ARL15: variants seen among roughly 807,000 people sequenced by gnomAD.
ARL15 encodes the protein ARF like GTPase 15, also known as ADP-ribosylation factor-like protein 15.
A neutral mutation model predicts 25.2 loss-of-function variants in ARL15; 19 were observed. The ratio of observed to expected loss-of-function variants is 0.75; its 90% CI spans 0.53 to 1.10. The LOEUF is 1.10. ARL15 is among the 50% of genes least tolerant of loss of function. The pLI is 0.00. For missense variants in ARL15, 220 were observed against 246.0 expected (o/e 0.89, Z 0.71); for synonymous variants, 94 against 86.8 (o/e 1.08, Z -0.46).
At chr5:53,968,454 C>T (rs1277838895) in intron 4 of ARL15, among the ~76,000 whole-genome samples, 5 of 152,152 alleles carry the variant, frequency 3.3e-5, no homozygotes, top group Admixed American at 3.3e-4. Context: ...TTCATGAAGA[C>T]ATCTTAAAAC....
At position 54,081,660 on chromosome 5, in the gene ARL15, TGAA is replaced by T. The variant is rs569191484; in HGVS notation, c.462+31539_462+31541del. Among the ~76,000 whole-genome samples the T allele has an allele frequency of 3.0e-3, 450 of 152,330 alleles. 3 individuals carry two copies. Among genetic ancestry groups the T allele is most frequent in the Non-Finnish European group, 4.8e-3 (326 of 68,030 alleles). ...AGCACTTCCCCTTCCTGCTGCCTTG[TGAA>T]GAAGGTGCCTTGCTTCCTCTTCGCC... On this transcript the variant is annotated intron_variant, in intron 4 of 4. Coordinates refer to ENST00000504924, the MANE Select transcript of ARL15 (RefSeq NM_019087.3).
At chr5:53,957,732 G>A (rs567116424) in intron 4 of ARL15, among the ~76,000 whole-genome samples, 1 of 152,270 alleles carries the variant, frequency 6.6e-6, no homozygotes, top group African/African-American at 2.4e-5. Context: ...GCTGAGGTGA[G>A]AGAATCAACT....
chr5:54,221,996 T>C lies in ARL15; in HGVS notation c.49-50068A>G, dbSNP rs902840971. 5.3e-5 allele frequency among the ~76,000 whole-genome samples: 8 copies of C among 152,182 alleles called. No individual in the cohort carries two copies. In the South Asian group the frequency reaches 6.2e-4, roughly 12 times the overall value. On this transcript the variant is annotated intron_variant, in intron 1 of 4. Transcript: ENST00000504924. ...AGCGTCTTGGGAAATACTCTTCCTG[T>C]GCCAAATAAGCATAAACAAAATAAA...
intron 1 of ARL15, among the ~76,000 whole-genome samples, chr5:54,252,082 C>A (rs1757247646): frequency 6.6e-6 from 1 of 152,212 alleles, no homozygotes; most frequent in Non-Finnish European, 1.5e-5. Context: ...CAGCAACATG[C>A]AGACTAGGAT....
intron 4 of ARL15, among the ~76,000 whole-genome samples, chr5:54,018,876 A>C (rs1406802070): frequency 1.3e-5 from 2 of 152,078 alleles, no homozygotes; most frequent in African/African-American, 4.8e-5. Flanking sequence ...AGAACTAAAC[A>C]CCCGGAGTGA....
At chr5:54,008,525 G>C (rs1219216270) in intron 4 of ARL15, among the ~76,000 whole-genome samples, 1 of 152,168 alleles carries the variant, frequency 6.6e-6, no homozygotes, top group Admixed American at 6.5e-5. Flanking sequence ...AACTTGCAGG[G>C]GTTGGAGAAT....
intron 4 of ARL15, among the ~76,000 whole-genome samples, chr5:53,931,184 A>G (rs1746185849): frequency 6.6e-6 from 1 of 152,188 alleles, no homozygotes; most frequent in African/African-American, 2.4e-5. Context: ...TATTATTATG[A>G]AAAAACGCAG....
intron 1 of ARL15, among the ~76,000 whole-genome samples, chr5:54,187,904 TG>T (rs1755283815): frequency 6.6e-6 from 1 of 152,198 alleles, no homozygotes; most frequent in Non-Finnish European, 1.5e-5. Flanking sequence ...AAAAACTCCA[TG>T]GGACAGTCTG....
chr5:54,017,144 T>A (rs1749450832), intron 4 of ARL15, among the ~76,000 whole-genome samples: 1 of 152,170 alleles, frequency 6.6e-6, no homozygotes, highest in Admixed American at 6.5e-5. Context: ...ATGAGGATAA[T>A]AGTGTGTATG....
intron 1 of ARL15, among the ~76,000 whole-genome samples, chr5:54,275,816 C>G (rs1228418558): frequency 2.0e-5 from 3 of 151,180 alleles, no homozygotes; most frequent in Admixed American, 2.0e-4. Context: ...TCCCGAGTAG[C>G]TGGGACTACA....
intron 4 of ARL15, among the ~76,000 whole-genome samples, chr5:54,022,562 T>C (rs141443386): frequency 5.3e-4 from 80 of 152,242 alleles, no homozygotes; most frequent in African/African-American, 1.2e-3. Context: ...GCTGAGAGAC[T>C]TTATCCGTAT....
chr5:54,228,280 A>C (rs961723493), intron 1 of ARL15, among the ~76,000 whole-genome samples: 8 of 152,190 alleles, frequency 5.3e-5, no homozygotes, highest in Non-Finnish European at 1.5e-5. Flanking sequence ...ATTTTATCAC[A>C]GAATACTACA....
chr5:53,961,098 G>T (rs1478844610), intron 4 of ARL15, among the ~76,000 whole-genome samples: 1 of 152,106 alleles, frequency 6.6e-6, no homozygotes, highest in Non-Finnish European at 1.5e-5. Flanking sequence ...TAGGATAACT[G>T]CTTCTATATG....
chr5:54,005,794 G>A (rs564538820), intron 4 of ARL15, among the ~76,000 whole-genome samples: 6 of 151,588 alleles, frequency 4.0e-5, no homozygotes, highest in South Asian at 4.2e-4. Context: ...CCCAGGAGGC[G>A]GAGCGTGCAG....
intron 4 of ARL15, among the ~76,000 whole-genome samples, chr5:54,100,306 G>A (rs974622301): frequency 6.6e-6 from 1 of 152,014 alleles, no homozygotes; most frequent in Non-Finnish European, 1.5e-5. Flanking sequence ...AAGGAGAAAG[G>A]ATGGGAAAAT....
At chr5:54,076,829 CA>C (rs936370975) in intron 4 of ARL15, among the ~76,000 whole-genome samples, 3 of 151,830 alleles carry the variant, frequency 2.0e-5, no homozygotes, top group South Asian at 2.1e-4. Context: ...AGAAAACATC[CA>C]TGGAGGAAGA....
intron 4 of ARL15, among the ~76,000 whole-genome samples, chr5:53,982,844 C>T (rs1664782): frequency 0.36 from 55,257 of 152,000 alleles, 10,657 homozygotes; most frequent in Middle Eastern, 0.45. Context: ...CTCTCCGGCA[C>T]CTGTTGTTTC....
Position 54,302,683 on chromosome 5 carries a change from A to ATTTTTTTTTTTT in ARL15, c.48+7737_48+7748dup, listed in dbSNP as rs372704359. ...GCAAAGCACCTGTTCTAAAATTAAG[A>ATTTTTTTTTTTT]TTTTTTTTTTTTTTTTTTTTTTTTT... On this transcript the variant is annotated intron_variant, in intron 1 of 4. Coordinates refer to ENST00000504924, the MANE Select transcript of ARL15 (RefSeq NM_019087.3). Among the ~76,000 whole-genome samples the ATTTTTTTTTTTT allele has an allele frequency of 1.4e-4, 11 of 77,860 alleles. 1 individual carries two copies. The highest frequency in any genetic ancestry group is 4.6e-4 in the East Asian group (1 of 2,182). The allele number at this position is 77,860 out of a possible 152,430, so 51.1% of individuals were successfully genotyped here. A position where few individuals can be genotyped will look rare whatever the true frequency, so the allele number is the denominator to read the frequency against.
chr5:54,048,548 C>A (rs1750606241), intron 4 of ARL15, among the ~76,000 whole-genome samples: 3 of 146,944 alleles, frequency 2.0e-5, no homozygotes, highest in South Asian at 4.4e-4. Flanking sequence ...GATTTACAGG[C>A]ACCTGCCACC....
Sources: allele counts gnomAD v4.1 joint callset (sites outside exome capture counted in the v4.1 genomes callset), GRCh38; gene constraint gnomAD v4.1.1; transcripts MANE v1.5; gene names NCBI Gene and HGNC (gene_info 2026-07-23, HGNC 2026-07-21).